The following UBQLN1 variants were observed in gnomAD, a reference collection of about 807,000 sequenced individuals.
UBQLN1 encodes ubiquilin-1.
Under a neutral mutation model 65.4 loss-of-function variants are expected in UBQLN1, and 13 were observed. The ratio of observed to expected loss-of-function variants is 0.20; its 90% confidence interval spans 0.13 to 0.32. UBQLN1 has a LOEUF of 0.32. Among genes scored for constraint, UBQLN1 ranks in the 10% least tolerant of loss-of-function variants. The probability of loss-of-function intolerance (pLI) is 1.00; values close to 1 mark genes in which losing one functional copy is unlikely to be tolerated. For synonymous variants in UBQLN1, 267 were observed against 247.8 expected (o/e 1.08, Z -0.73); for missense variants, 561 against 724.0 (o/e 0.77, Z 2.58).
At chr9:83,686,562 T>G (rs150561321) in intron 1 of UBQLN1, among the ~76,000 whole-genome samples, 2,543 of 152,304 alleles carry the variant, frequency 0.017, 126 homozygotes, top group Admixed American at 0.11. Context: ...GGCCTAACAA[T>G]GCATTGCTTC....
chr9:83,674,558 AAC>A (rs1448483918), intron 6 of UBQLN1, among the ~76,000 whole-genome samples: 7 of 152,366 alleles, frequency 4.6e-5, no homozygotes, highest in African/African-American at 1.7e-4. Context: ...TGACTAATTT[AAC>A]AGTTAATTAA....
At chr9:83,705,060 G>C (rs1832375780) in intron 1 of UBQLN1, among the ~76,000 whole-genome samples, 1 of 151,952 alleles carries the variant, frequency 6.6e-6, no homozygotes, top group Non-Finnish European at 1.5e-5. Flanking sequence ...TCCTAGAAAA[G>C]AGATCCGAGA....
At chr9:83,706,601 A>C (rs1386881230) in intron 1 of UBQLN1, among the ~76,000 whole-genome samples, 2 of 152,264 alleles carry the variant, frequency 1.3e-5, no homozygotes, top group Non-Finnish European at 2.9e-5. Flanking sequence ...AGATTAAGTC[A>C]GTAATTATGG....
At chr9:83,677,680 GT>G in intron 6 of UBQLN1, 46 bp downstream of exon 6, 1 of 1,390,074 alleles carries the variant, frequency 7.2e-7, no homozygotes, top group East Asian at 2.3e-5. Flanking sequence ...TTTTAATTAT[GT>G]AAATGAGGAC....
intron 1 of UBQLN1, 53 bp downstream of exon 1, chr9:83,707,447 G>A (rs1342506586): frequency 6.5e-7 from 1 of 1,541,748 alleles, no homozygotes; most frequent in African/African-American, 1.4e-5. Flanking sequence ...TGGGGCGGCG[G>A]GCGGAGGTCC....
chr9:83,699,947 C>T (rs752293167), intron 1 of UBQLN1, among the ~76,000 whole-genome samples: 25 of 152,102 alleles, frequency 1.6e-4, no homozygotes, highest in South Asian at 4.1e-4. Flanking sequence ...AGTTTAATAA[C>T]GGTATCTTGA....
chr9:83,665,931 G>GA lies in UBQLN1; in HGVS notation c.1332+418_1332+419insT, dbSNP rs1170106526. ...TGAGGAAATGAGATCTACCCCTTGG[G>GA]GAAAAAAAGCCTTCTACTAATTTGG... On this transcript the variant is annotated intron_variant, in intron 8 of 10. Transcript: ENST00000376395. Among the ~76,000 whole-genome samples the GA allele has an allele frequency of 7.2e-5, 11 of 151,848 alleles. No individual in the cohort carries two copies. In the East Asian group the frequency reaches 9.7e-4, roughly 13 times the overall value.
intron 1 of UBQLN1, among the ~76,000 whole-genome samples, chr9:83,688,267 TCA>T (rs1166638571): frequency 1.3e-5 from 2 of 152,184 alleles, no homozygotes; most frequent in Non-Finnish European, 2.9e-5. Context: ...TAATCCTATT[TCA>T]GACACAGAAA....
At chr9:83,691,289 A>G (rs540862697) in intron 1 of UBQLN1, among the ~76,000 whole-genome samples, 11 of 152,314 alleles carry the variant, frequency 7.2e-5, no homozygotes, top group Non-Finnish European at 1.3e-4. Flanking sequence ...CAGACTGGAT[A>G]TAAGACATGA....
chr9:83,700,292 G>A (rs1832289381), intron 1 of UBQLN1, among the ~76,000 whole-genome samples: 1 of 152,110 alleles, frequency 6.6e-6, no homozygotes, highest in African/African-American at 2.4e-5. Context: ...TGGTGACCTG[G>A]GGGGAACAGC....
intron 3 of UBQLN1, among the ~76,000 whole-genome samples, chr9:83,680,751 C>G (rs779134779): frequency 4.6e-5 from 7 of 152,130 alleles, no homozygotes; most frequent in Non-Finnish European, 1.0e-4. Context: ...TCCTTGAGTT[C>G]TAGGTGCCAT....
intron 1 of UBQLN1, among the ~76,000 whole-genome samples, chr9:83,704,812 G>C (rs1178361119): frequency 8.9e-6 from 1 of 112,734 alleles, no homozygotes; most frequent in East Asian, 3.6e-4. Flanking sequence ...GGGGGTGACA[G>C]AGACTCCATC....
intron 1 of UBQLN1, among the ~76,000 whole-genome samples, chr9:83,687,339 C>T (rs1316762633): frequency 6.6e-6 from 1 of 152,194 alleles, no homozygotes; most frequent in Non-Finnish European, 1.5e-5. Context: ...CAGATCTTTA[C>T]CAAAATCACC....
chr9:83,669,286 G>C lies in UBQLN1; in HGVS notation c.1147C>G (p.Gln383Glu), dbSNP rs756774743. Residue 383 changes from glutamine (Q) to glutamate (E), a missense_variant, in exon 7 of 11, where the codon CAA (glutamine) becomes GAA (glutamate). Gln to Glu is a conservative substitution (Grantham distance 29). Coordinates refer to ENST00000376395, the MANE Select transcript of UBQLN1 (RefSeq NM_013438.5). The stretch of plus-strand genomic sequence containing the variant: ...ATCAGTTGTGGGTTTTCAGTTATTT[G>C]TTGCAACAAGCTCTGCATTCCTGGT... ...NTPGMQSLLQ[Q>E]ITENPQLMQN... 1 of 1,611,826 alleles carries C rather than the reference G, an allele frequency of 6.2e-7. No homozygotes were observed. Among genetic ancestry groups the C allele is most frequent in the African/African-American group, 1.3e-5 (1 of 74,762 alleles).
intron 1 of UBQLN1, among the ~76,000 whole-genome samples, chr9:83,692,901 T>C (rs1191582634): frequency 6.6e-6 from 1 of 152,142 alleles, no homozygotes. Flanking sequence ...ATCTAGGGAA[T>C]AGCCAGAACC....
chr9:83,684,387 G>A (rs1377628730), intron 2 of UBQLN1, among the ~76,000 whole-genome samples: 10 of 151,964 alleles, frequency 6.6e-5, no homozygotes, highest in Middle Eastern at 3.4e-3. Context: ...TAGAGACAGC[G>A]TTTCACCATG....
chr9:83,688,845 G>A (rs183127527), intron 1 of UBQLN1, among the ~76,000 whole-genome samples: 4 of 146,928 alleles, frequency 2.7e-5, no homozygotes, highest in Non-Finnish European at 6.0e-5. Flanking sequence ...TGGGCGATGA[G>A]AGCGAAACTC....
chr9:83,673,580 A>AAAAAAAAAAAAAAAAAAAAAAAAAAAAAC, intron 6 of UBQLN1, among the ~76,000 whole-genome samples: 1 of 109,562 alleles, frequency 9.1e-6, no homozygotes, highest in Admixed American at 9.0e-5. Context: ...AAAAAAAAAA[A>AAAAAAAAAAAAAAAAAAAAAAAAAAAAAC]CTGCGCTTAC....
At chr9:83,704,066 A>T (rs1249388368) in intron 1 of UBQLN1, among the ~76,000 whole-genome samples, 1 of 152,212 alleles carries the variant, frequency 6.6e-6, no homozygotes, top group African/African-American at 2.4e-5. Flanking sequence ...TCTGATACAG[A>T]GCATAAGCCT....
Sources: allele counts gnomAD v4.1 joint callset (sites outside exome capture counted in the v4.1 genomes callset), GRCh38; gene constraint gnomAD v4.1.1; transcripts MANE v1.5; gene names NCBI Gene and HGNC (gene_info 2026-07-23, HGNC 2026-07-21).